The following KIAA0825 variants were observed in gnomAD, a reference collection of about 807,000 sequenced individuals.
The protein encoded by KIAA0825 is uncharacterized protein KIAA0825.
In KIAA0825, 119 loss-of-function variants were observed where a neutral mutation model predicts 147.6. The ratio of observed to expected loss-of-function variants is 0.81; its 90% CI spans 0.69 to 0.94. KIAA0825 has a LOEUF of 0.94. Ranked by LOEUF, KIAA0825 falls within the 40% of genes least tolerant of loss-of-function variation. The pLI is 0.00. For synonymous variants in KIAA0825, 470 were observed against 518.1 expected (o/e 0.91, Z 1.26); for missense variants, 1,381 against 1,472.7 (o/e 0.94, Z 1.02).
At chr5:94,420,105 G>A (rs1753982076) in intron 14 of KIAA0825, among the ~76,000 whole-genome samples, 1 of 152,014 alleles carries the variant, frequency 6.6e-6, no homozygotes, top group African/African-American at 2.4e-5. Flanking sequence ...CGAAGAATTG[G>A]TGAAATATTG....
intron 20 of KIAA0825, among the ~76,000 whole-genome samples, chr5:94,197,935 G>T (rs183191746): frequency 6.6e-6 from 1 of 152,082 alleles, no homozygotes; most frequent in Non-Finnish European, 1.5e-5. Context: ...TTTGCTGAGG[G>T]TTGCTTTGGC....
chr5:94,227,869 T>C (rs1251951829), intron 20 of KIAA0825, among the ~76,000 whole-genome samples: 1 of 150,994 alleles, frequency 6.6e-6, no homozygotes, highest in Non-Finnish European at 1.5e-5. Flanking sequence ...AAATGCCTAC[T>C]GTAAGTGATG....
chr5:94,532,965 A>G (rs1010086863), intron 3 of KIAA0825, among the ~76,000 whole-genome samples: 4 of 151,850 alleles, frequency 2.6e-5, no homozygotes, highest in Non-Finnish European at 5.9e-5. Flanking sequence ...TTAAGGGGGA[A>G]AAATCATTCT....
chr5:94,352,717 T>C lies in KIAA0825; in HGVS notation c.3710+31651A>G, dbSNP rs532647882. On this transcript the variant is annotated intron_variant, in intron 20 of 20. Coordinates refer to ENST00000682413, the MANE Select transcript of KIAA0825 (RefSeq NM_001145678.3). ...GGATAAAGAAACTGTAGTATACATATATACATACGATGAAATACTATGCAG... is the reference window on the plus strand; with the variant it reads ...GGATAAAGAAACTGTAGTATACATACATACATACGATGAAATACTATGCAG... Among the ~76,000 whole-genome samples the C allele has an allele frequency of 3.9e-5, 6 of 152,312 alleles. No homozygotes were observed. The East Asian group carries it at 1.2e-3, about 29-fold the overall frequency.
At chr5:94,505,671 TAAAAC>T (rs891933704) in intron 5 of KIAA0825, among the ~76,000 whole-genome samples, 1 of 152,038 alleles carries the variant, frequency 6.6e-6, no homozygotes, top group Non-Finnish European at 1.5e-5. Flanking sequence ...AACAAGGAAA[TAAAAC>T]TAACTGAATA....
At chr5:94,242,552 TCCTTCCTTCCTA>T (rs1562330657) in intron 20 of KIAA0825, among the ~76,000 whole-genome samples, 1 of 151,998 alleles carries the variant, frequency 6.6e-6, no homozygotes, top group East Asian at 1.9e-4. Flanking sequence ...TATTTTTCTT[TCCTTCCTTCCTA>T]CCTTCCTTCC....
intron 1 of KIAA0825, among the ~76,000 whole-genome samples, chr5:94,604,743 G>A (rs1449703401): frequency 6.6e-6 from 1 of 152,158 alleles, no homozygotes; most frequent in African/African-American, 2.4e-5. Context: ...ACACAGTTAA[G>A]ACAGTGTTAA....
At chr5:94,382,098 A>T (rs576036851) in intron 20 of KIAA0825, among the ~76,000 whole-genome samples, 1 of 152,246 alleles carries the variant, frequency 6.6e-6, no homozygotes, top group Non-Finnish European at 1.5e-5. Flanking sequence ...AGGAGCAAAA[A>T]GAGAAAAAGT....
chr5:94,609,329 T>C (rs1037991288), intron 1 of KIAA0825, among the ~76,000 whole-genome samples: 1 of 152,216 alleles, frequency 6.6e-6, no homozygotes, highest in African/African-American at 2.4e-5. Flanking sequence ...AATACCACTC[T>C]TCCACTAAAA....
intron 5 of KIAA0825, among the ~76,000 whole-genome samples, chr5:94,488,417 G>A (rs983641469): frequency 6.6e-6 from 1 of 151,844 alleles, no homozygotes. Context: ...ATGATTCTTA[G>A]GAAATACACA....
intron 20 of KIAA0825, among the ~76,000 whole-genome samples, chr5:94,212,951 A>G (rs1363333736): frequency 6.6e-6 from 1 of 152,240 alleles, no homozygotes; most frequent in Non-Finnish European, 1.5e-5. Context: ...CATATTAATT[A>G]TTAAGAATAC....
intron 18 of KIAA0825, among the ~76,000 whole-genome samples, chr5:94,386,845 T>C (rs1051171017): frequency 6.6e-6 from 1 of 152,228 alleles, no homozygotes; most frequent in African/African-American, 2.4e-5. Context: ...TACTCTGATA[T>C]TTTACTGCAA....
chr5:94,428,862 T>A (rs1755263008), intron 14 of KIAA0825, among the ~76,000 whole-genome samples: 1 of 152,176 alleles, frequency 6.6e-6, no homozygotes, highest in African/African-American at 2.4e-5. Flanking sequence ...CTTTACATAG[T>A]ACCATATTTC....
In KIAA0825 at chr5:94,217,771, C is replaced by T. The variant is rs536194970; in HGVS notation, c.3711-63647G>A. Among the ~76,000 whole-genome samples the T allele has an allele frequency of 2.6e-5, 4 of 152,142 alleles. No individual in the cohort carries two copies. The East Asian group carries it at 7.7e-4, about 29-fold the overall frequency. On this transcript the variant is annotated intron_variant, in intron 20 of 20. Coordinates refer to ENST00000682413, the MANE Select transcript of KIAA0825 (RefSeq NM_001145678.3). The stretch of plus-strand genomic sequence containing the variant: ...AGATTTAAGGTGTCAGTAGTGAGAA[C>T]ATAAGAACTATTTGGGACTGAGAAG...
intron 9 of KIAA0825, 96 bp from the exon 10 acceptor site, chr5:94,470,207 A>T (rs1010445190): frequency 1.3e-6 from 1 of 779,892 alleles, no homozygotes; most frequent in Non-Finnish European, 1.8e-6. Context: ...ATTATTAGAT[A>T]TCAATCATTC....
At chr5:94,608,498 TA>T in intron 1 of KIAA0825, among the ~76,000 whole-genome samples, 2 of 40,896 alleles carry the variant, frequency 4.9e-5, no homozygotes, top group African/African-American at 2.5e-4. Context: ...TATAATTATA[TA>T]TATATATATT....
chr5:94,511,603 C>T (rs1766488824), intron 5 of KIAA0825, among the ~76,000 whole-genome samples: 1 of 151,794 alleles, frequency 6.6e-6, no homozygotes, highest in Non-Finnish European at 1.5e-5. Context: ...GCCCAGGCAA[C>T]AAGAGCGAGA....
At chr5:94,256,536 C>A (rs1776263552) in intron 20 of KIAA0825, among the ~76,000 whole-genome samples, 1 of 152,104 alleles carries the variant, frequency 6.6e-6, no homozygotes, top group African/African-American at 2.4e-5. Context: ...TCTTATGCTG[C>A]ACAGATTTAC....
chr5:94,552,375 A>G (rs1485481862), intron 2 of KIAA0825, among the ~76,000 whole-genome samples: 1 of 152,188 alleles, frequency 6.6e-6, no homozygotes, highest in Non-Finnish European at 1.5e-5. Context: ...CAGAAAATCA[A>G]CAAAGAAACA....
Sources: allele counts gnomAD v4.1 joint callset (sites outside exome capture counted in the v4.1 genomes callset), GRCh38; gene constraint gnomAD v4.1.1; transcripts MANE v1.5; gene names NCBI Gene and HGNC (gene_info 2026-07-23, HGNC 2026-07-21).